Variants in KIF4A observed in about 807,000 individuals in gnomAD.
KIF4A encodes the protein chromosome-associated kinesin KIF4A.
In KIF4A, 7 loss-of-function variants were observed where a neutral mutation model predicts 105.9. The ratio of observed to expected loss-of-function variants is 0.07; its 90% confidence interval spans 0.04 to 0.12. KIF4A has a LOEUF of 0.12. Ranked by LOEUF, KIF4A falls within the 10% of genes least tolerant of loss-of-function variation. The pLI is 1.00. For missense variants in KIF4A, 558 were observed against 929.2 expected (o/e 0.60, Z 5.19); for synonymous variants, 281 against 331.3 (o/e 0.85, Z 1.65).
chrX:70,362,555 A>C (rs1360886022), intron 15 of KIF4A, among the ~76,000 whole-genome samples: 1 of 112,095 alleles, frequency 8.9e-6, no homozygotes, highest in Non-Finnish European at 1.9e-5. Context: ...TTTTTGAGAC[A>C]GAGTCTTGCT....
chrX:70,360,022 G>A (rs1275394462), intron 15 of KIF4A, among the ~76,000 whole-genome samples: 1 of 111,144 alleles, frequency 9.0e-6, no homozygotes, highest in Non-Finnish European at 1.9e-5. Flanking sequence ...TAACAAATAC[G>A]AGGCTCTTGT....
chrX:70,416,200 C>T (rs1014779064), intron 28 of KIF4A, among the ~76,000 whole-genome samples: 1 of 109,439 alleles, frequency 9.1e-6, no homozygotes, highest in Admixed American at 9.9e-5. Flanking sequence ...TCCAGTTGAG[C>T]CAGGGTACAA....
Position 70,405,939 on chromosome X carries a change from A to G in KIF4A, c.2976+34A>G, listed in dbSNP as rs758495502. The G allele has an allele frequency of 2.7e-6, 3 of 1,109,886 alleles. No homozygotes were observed. The Admixed American group carries it at 6.6e-5, about 24-fold the overall frequency. The allele number at this position is 1,109,886 out of a possible 1,213,427, so 91.5% of individuals were successfully genotyped here. ...GTTTCCCACCCACTTGATAAGCCCT[A>G]AGAGACCCCGTTGCTACTGAGGCCA... On this transcript the variant is annotated intron_variant, in intron 26 of 30. Coordinates refer to ENST00000374403, the MANE Select transcript of KIF4A (RefSeq NM_012310.5).
rs983426815 is a variant in KIF4A, at chrX:70,414,721, C to T, written c.3256-3167C>T. The stretch of plus-strand genomic sequence containing the variant: ...AAGTGGGGTTAAACTGATTCCATGT[C>T]ATTTTAGATGGCAGAATTGGGTCCT... On this transcript the variant is annotated intron_variant, in intron 28 of 30. Coordinates refer to ENST00000374403, the MANE Select transcript of KIF4A (RefSeq NM_012310.5). Among the ~76,000 whole-genome samples the T allele has an allele frequency of 2.7e-5, 3 of 111,907 alleles. No individual in the cohort carries two copies. In the South Asian group the frequency reaches 1.1e-3, roughly 42 times the overall value.
rs1408997833 is a variant in KIF4A, at chrX:70,373,570, A to G, written c.1675-581A>G. ...TATATATATATACGTATATATATAC[A>G]TATATACGTGTATATATATACGTAT... is the stretch of plus-strand genomic sequence containing the variant. On this transcript the variant is annotated intron_variant, in intron 15 of 30. Coordinates refer to ENST00000374403, the MANE Select transcript of KIF4A (RefSeq NM_012310.5). 1.3e-3 allele frequency among the ~76,000 whole-genome samples: 52 copies of G among 40,932 alleles called. 13 individuals are homozygous for G. The highest frequency in any genetic ancestry group is 4.0e-3 in the African/African-American group (47 of 11,753). 35.5% of individuals were successfully genotyped at this position (40,932 alleles called of 115,157 possible). A position where few individuals can be genotyped will look rare whatever the true frequency, so the allele number is the denominator to read the frequency against.
At chrX:70,372,118 G>C (rs1322325473) in intron 15 of KIF4A, among the ~76,000 whole-genome samples, 3 of 105,461 alleles carry the variant, frequency 2.8e-5, no homozygotes, top group Non-Finnish European at 3.9e-5. Context: ...TCACTTCCTA[G>C]ATGGGATGGC....
chrX:70,371,784 G>A (rs1360433961), intron 15 of KIF4A, among the ~76,000 whole-genome samples: 3 of 104,911 alleles, frequency 2.9e-5, no homozygotes, highest in African/African-American at 7.0e-5. Flanking sequence ...GCTGCCAGGT[G>A]GAGGGGCTCC....
chrX:70,344,417 G>T (rs2085983982), intron 13 of KIF4A, among the ~76,000 whole-genome samples: 1 of 111,580 alleles, frequency 9.0e-6, no homozygotes, highest in Admixed American at 9.5e-5. Context: ...TTGAATGATT[G>T]TTCTACCATA....
intron 22 of KIF4A, among the ~76,000 whole-genome samples, chrX:70,401,696 C>T (rs1308574986): frequency 8.9e-6 from 1 of 111,967 alleles, no homozygotes; most frequent in Non-Finnish European, 1.9e-5. Flanking sequence ...CCACTGCGCC[C>T]AGCTAAAATT....
chrX:70,417,270 AG>A (rs1223988578), intron 28 of KIF4A, among the ~76,000 whole-genome samples: 1 of 112,476 alleles, frequency 8.9e-6, no homozygotes, highest in African/African-American at 3.2e-5. Flanking sequence ...TGGGAGGCCA[AG>A]GTGGGCTGAT....
rs752519591 is a variant in KIF4A, at chrX:70,377,786, A to G, written c.2034+1576A>G. Among the ~76,000 whole-genome samples, 8 of 111,899 alleles carry G rather than the reference A, an allele frequency of 7.1e-5. No homozygotes were observed. In the South Asian group the frequency reaches 1.1e-3, roughly 16 times the overall value. The stretch of plus-strand genomic sequence containing the variant: ...CACCGTGTCTATTAAAAATACAAAA[A>G]TTAGCCGGGCATGGTGGCACATCTG... On this transcript the variant is annotated intron_variant, in intron 18 of 30. Transcript: ENST00000374403.
At chrX:70,292,746 A>G (rs1014228477) in intron 3 of KIF4A, among the ~76,000 whole-genome samples, 3 of 112,022 alleles carry the variant, frequency 2.7e-5, no homozygotes, top group Admixed American at 1.9e-4. Flanking sequence ...CAGACCCTGC[A>G]CTATCTGGTC....
At chrX:70,346,920 A>G (rs1473687892) in intron 13 of KIF4A, among the ~76,000 whole-genome samples, 1 of 112,113 alleles carries the variant, frequency 8.9e-6, no homozygotes, top group Non-Finnish European at 1.9e-5. Flanking sequence ...AACTATTTTT[A>G]TTTTAAGTGA....
At chrX:70,352,145 G>A (rs1391958272) in intron 13 of KIF4A, among the ~76,000 whole-genome samples, 1 of 112,251 alleles carries the variant, frequency 8.9e-6, no homozygotes, top group African/African-American at 3.2e-5. Context: ...CTTTTCTGAT[G>A]CATTGCCATT....
chrX:70,297,728 G>A (rs1335298289), intron 4 of KIF4A, among the ~76,000 whole-genome samples: 1 of 111,422 alleles, frequency 9.0e-6, no homozygotes, highest in Non-Finnish European at 1.9e-5. Flanking sequence ...GTGTTCTAGT[G>A]TATATTAGTA....
intron 20 of KIF4A, among the ~76,000 whole-genome samples, chrX:70,391,716 A>G (rs1450116758): frequency 3.6e-5 from 4 of 110,678 alleles, no homozygotes; most frequent in Non-Finnish European, 5.7e-5. Context: ...ATTTTGTCAC[A>G]CAGATAATCA....
intron 9 of KIF4A, among the ~76,000 whole-genome samples, chrX:70,330,940 G>A (rs899498530): frequency 8.9e-6 from 1 of 111,755 alleles, no homozygotes; most frequent in African/African-American, 3.3e-5. Flanking sequence ...AGGGCTGACC[G>A]CAGGACTGGA....
chrX:70,317,707 G>C (rs2085874959), intron 7 of KIF4A, among the ~76,000 whole-genome samples: 1 of 109,411 alleles, frequency 9.1e-6, no homozygotes, highest in African/African-American at 3.3e-5. Context: ...ACAATTCCCA[G>C]CTAATTTTTA....
intron 23 of KIF4A, 56 bp from the exon 24 acceptor site, chrX:70,403,808 G>A (rs2086290490): frequency 9.4e-7 from 1 of 1,059,075 alleles, no homozygotes; most frequent in Admixed American, 2.8e-5. Flanking sequence ...CTGTTGAAAG[G>A]GGGAAAGAAA....
Sources: allele counts gnomAD v4.1 joint callset (sites outside exome capture counted in the v4.1 genomes callset), GRCh38; gene constraint gnomAD v4.1.1; transcripts MANE v1.5; gene names NCBI Gene and HGNC (gene_info 2026-07-23, HGNC 2026-07-21).